ARL4D: variants seen among roughly 807,000 people sequenced by gnomAD.
ARL4D encodes the protein ADP-ribosylation factor-like protein 4D.
A neutral mutation model predicts 0.6 loss-of-function variants in ARL4D; 1 was observed. The observed-to-expected ratio is 1.64, with a 90% CI of 0.58 to 7.76. ARL4D has a LOEUF of 7.76. Ranked by LOEUF, ARL4D falls within the 30% of genes most tolerant of loss-of-function variation. The pLI, the probability that ARL4D is intolerant of heterozygous loss-of-function variation, is 0.14. For synonymous variants in ARL4D, 102 were observed against 115.2 expected (o/e 0.89, Z 0.73); for missense variants, 230 against 264.5 (o/e 0.87, Z 0.90).
chr17:43,399,613 GTAT>G (rs2058079200), intron 1 of ARL4D, 45 bp from the exon 2 acceptor site: 1 of 1,271,824 alleles, frequency 7.9e-7, no homozygotes, highest in Admixed American at 2.3e-5. Context: ...AATCTTGTGT[GTAT>G]TATTAAACGT....
chr17:43,400,572 T>C lies in ARL4D; in HGVS notation c.*234T>C. The C allele has an allele frequency of 8.0e-6, 4 of 497,912 alleles. No homozygotes were observed. Among genetic ancestry groups the C allele is most frequent in the Non-Finnish European group, 1.4e-5 (4 of 277,634 alleles). 30.8% of individuals were successfully genotyped at this position (497,912 alleles called of 1,614,324 possible). ...TCTGGAGAAGTGGGCGCTGCAGGAC[T>C]GTGGAGACGTAAATGTAAACTGTGA... is the stretch of plus-strand genomic sequence containing the variant. On this transcript the variant is annotated 3_prime_UTR_variant, in exon 2 of 2. Coordinates refer to ENST00000320033, the MANE Select transcript of ARL4D (RefSeq NM_001661.4).
Position 43,400,456 on chromosome 17 carries a change from G to T in ARL4D, c.*118G>T, listed in dbSNP as rs2058083811. ...GGGTGCAGGACCTGTCCACCTCAAT[G>T]AAGGAGAGAGGAGCATGGGGTGTCC... On this transcript the variant is annotated 3_prime_UTR_variant, in exon 2 of 2. Coordinates refer to ENST00000320033, the MANE Select transcript of ARL4D (RefSeq NM_001661.4). 1.5e-6 allele frequency: 2 copies of T among 1,350,072 alleles called. No individual in the cohort carries two copies. Among genetic ancestry groups the T allele is most frequent in the East Asian group, 4.8e-5 (2 of 42,076 alleles). The allele number at this position is 1,350,072 out of a possible 1,614,324, so 83.6% of individuals were successfully genotyped here. A position where few individuals can be genotyped will look rare whatever the true frequency, so the allele number is the denominator to read the frequency against.
In ARL4D at chr17:43,400,431, G is replaced by C. The variant is rs955338315; in HGVS notation, c.*93G>C. On this transcript the variant is annotated 3_prime_UTR_variant, in exon 2 of 2. Coordinates refer to ENST00000320033, the MANE Select transcript of ARL4D (RefSeq NM_001661.4). Reference sequence around the variant, plus strand: ...AGCCTGTGACCTCTCAGTCAGACTGGGGTGCAGGACCTGTCCACCTCAATG... The same window carrying C: ...AGCCTGTGACCTCTCAGTCAGACTGCGGTGCAGGACCTGTCCACCTCAATG... 29 of 1,471,380 alleles carry C rather than the reference G, an allele frequency of 2.0e-5. No homozygotes were observed. The highest frequency in any genetic ancestry group is 2.5e-5 in the Non-Finnish European group (28 of 1,100,244). The allele number at this position is 1,471,380 out of a possible 1,614,324, so 91.1% of individuals were successfully genotyped here.
At position 43,399,708 on chromosome 17, in the gene ARL4D, C is replaced by T. The variant is rs1567909538; in HGVS notation, c.-25C>T. The T allele has an allele frequency of 1.3e-6, 2 of 1,591,530 alleles. No individual in the cohort carries two copies. The highest frequency in any genetic ancestry group is 1.3e-5 in the African/African-American group (1 of 74,268). On this transcript the variant is annotated 5_prime_UTR_variant, in exon 2 of 2. Coordinates refer to ENST00000320033, the MANE Select transcript of ARL4D (RefSeq NM_001661.4). ...AACCTTCAATTTCAAGGCCTCCCTG[C>T]CTCTACTAGGCGCCTTAGCTCACTA...
chr17:43,400,381 C>T lies in ARL4D; in HGVS notation c.*43C>T. 2 of 1,530,704 alleles carry T rather than the reference C, an allele frequency of 1.3e-6. No homozygotes were observed. The highest frequency in any genetic ancestry group is 1.8e-6 in the Non-Finnish European group (2 of 1,140,596). The allele number at this position is 1,530,704 out of a possible 1,614,324, so 94.8% of individuals were successfully genotyped here. ...TTTCCTCCCACCTAGTAGGGGTCTGCACACTTGGACAGCAGGGTGGGACCA... is the reference window on the plus strand; with the variant it reads ...TTTCCTCCCACCTAGTAGGGGTCTGTACACTTGGACAGCAGGGTGGGACCA... On this transcript the variant is annotated 3_prime_UTR_variant, in exon 2 of 2. Transcript: ENST00000320033.
rs1259055509 is a variant in ARL4D, at chr17:43,400,622, T to G, written c.*284T>G. 2 of 318,114 alleles carry G rather than the reference T, an allele frequency of 6.3e-6. No individual in the cohort carries two copies. The highest frequency in any genetic ancestry group is 4.3e-5 in the African/African-American group (2 of 46,566). 19.7% of individuals were successfully genotyped at this position (318,114 alleles called of 1,614,324 possible). A position where few individuals can be genotyped will look rare whatever the true frequency, so the allele number is the denominator to read the frequency against. On this transcript the variant is annotated 3_prime_UTR_variant, in exon 2 of 2. Transcript: ENST00000320033. Reference sequence around the variant, plus strand: ...ACTCTACCTCGACCCTGTTTCTTATTTTTCTTCTCTGGCTAAAAATTTTTA... The same window carrying G: ...ACTCTACCTCGACCCTGTTTCTTATGTTTCTTCTCTGGCTAAAAATTTTTA...
chr17:43,399,240 A>G (rs545997561), intron 1 of ARL4D, 147 bp downstream of exon 1: 14 of 152,626 alleles, frequency 9.2e-5, no homozygotes, highest in African/African-American at 3.5e-4. Context: ...CACCGTGTCA[A>G]CGGCTTGGGG....
In ARL4D at chr17:43,400,538, CTCA is replaced by C. The variant is rs1281461412; in HGVS notation, c.*203_*205del. 1.1e-5 allele frequency: 7 copies of C among 648,910 alleles called. No homozygotes were observed. Among genetic ancestry groups the C allele is most frequent in the Non-Finnish European group, 1.8e-5 (7 of 379,132 alleles). 40.2% of individuals were successfully genotyped at this position (648,910 alleles called of 1,614,324 possible). A position where few individuals can be genotyped will look rare whatever the true frequency, so the allele number is the denominator to read the frequency against. ...AGATGGGATGTCTTTGCATATCTCT[CTCA>C]TCCTCTCTGGAGAAGTGGGCGCTGC... On this transcript the variant is annotated 3_prime_UTR_variant, in exon 2 of 2. Transcript: ENST00000320033.
In ARL4D at chr17:43,400,010, G is replaced by A. The variant is rs935334904; in HGVS notation, c.278G>A (p.Arg93Gln). 5.0e-6 allele frequency: 8 copies of A among 1,613,906 alleles called. No homozygotes were observed. The African/African-American group carries it at 8.0e-5, about 16-fold the overall frequency. Residue 93 changes from arginine to glutamine, a missense_variant, in exon 2 of 2, where the codon CGG (arginine) becomes CAG (glutamine). Around this residue, in one of 3 missense-constraint regions of ARL4D, gnomAD observed 8 missense variants for 29.7 expected, o/e 0.27. Transcript: ENST00000320033. ...LRPLWRSYTR[R>Q]TDGLVFVVDA... ...CCACTGTGGCGCTCTTATACCCGCC[G>A]GACAGACGGTCTAGTGTTTGTGGTG...
intron 1 of ARL4D, among the ~76,000 whole-genome samples, 182 bp downstream of exon 1, chr17:43,399,275 A>C (rs1265760815): frequency 6.6e-6 from 1 of 151,738 alleles, no homozygotes; most frequent in Non-Finnish European, 1.5e-5. Context: ...TGGGAGCCGG[A>C]CTCAATCTCC....
In ARL4D at chr17:43,400,355, C is replaced by T; in HGVS notation, c.*17C>T. ...AGACGGTGACCCAAGCCCCCCCTCC[C>T]TTTCCTCCCACCTAGTAGGGGTCTG... is the stretch of plus-strand genomic sequence containing the variant. On this transcript the variant is annotated 3_prime_UTR_variant, in exon 2 of 2. Transcript: ENST00000320033. 1 of 1,558,412 alleles carries T rather than the reference C, an allele frequency of 6.4e-7. No individual in the cohort carries two copies. The highest frequency in any genetic ancestry group is 8.7e-7 in the Non-Finnish European group (1 of 1,152,448).
At position 43,400,555 on chromosome 17, in the gene ARL4D, A is replaced by C. The variant is rs1281682414; in HGVS notation, c.*217A>C. On this transcript the variant is annotated 3_prime_UTR_variant, in exon 2 of 2. Coordinates refer to ENST00000320033, the MANE Select transcript of ARL4D (RefSeq NM_001661.4). ...ATATCTCTCTCATCCTCTCTGGAGA[A>C]GTGGGCGCTGCAGGACTGTGGAGAC... 5.0e-6 allele frequency: 3 copies of C among 597,100 alleles called. No individual in the cohort carries two copies. Among genetic ancestry groups the C allele is most frequent in the African/African-American group, 3.7e-5 (2 of 53,802 alleles). The allele number at this position is 597,100 out of a possible 1,614,324, so 37.0% of individuals were successfully genotyped here.
rs764306538 is a variant in ARL4D, at chr17:43,400,347, C to A, written c.*9C>A. ...GCAAGAAGAGACGGTGACCCAAGCC[C>A]CCCCTCCCTTTCCTCCCACCTAGTA... On this transcript the variant is annotated 3_prime_UTR_variant, in exon 2 of 2. Transcript: ENST00000320033. 6.4e-7 allele frequency: 1 copy of A among 1,562,188 alleles called. No individual in the cohort carries two copies. The highest frequency in any genetic ancestry group is 1.8e-5 in the Admixed American group (1 of 55,112).
At chr17:43,399,408 C>G (rs533045917) in intron 1 of ARL4D, among the ~76,000 whole-genome samples, 232 of 151,930 alleles carry the variant, frequency 1.5e-3, no homozygotes, top group Admixed American at 2.9e-3. Flanking sequence ...AGCCCACTGT[C>G]CATGGATCGA....
rs138281221 is a variant in ARL4D, at chr17:43,399,768, C to T, written c.36C>T (p.Ala12=). 6.2e-7 allele frequency: 1 copy of T among 1,613,756 alleles called. No individual in the cohort carries two copies. The highest frequency in any genetic ancestry group is 1.3e-5 in the African/African-American group (1 of 74,894). ...GNHLTEMAPT[A]SSFLPHFQAL... ...ACTTGACTGAGATGGCGCCCACTGC[C>T]TCCTCCTTCTTGCCCCACTTCCAAG... Residue 12 remains alanine (A), a synonymous_variant, in exon 2 of 2, where the codon GCC becomes GCT. Transcript: ENST00000320033.
In ARL4D at chr17:43,400,123, C is replaced by T; in HGVS notation, c.391C>T (p.Leu131=). The stretch of plus-strand genomic sequence containing the variant: ...CTCGGACAACCAGGGCGTGCCAGTG[C>T]TGGTGCTGGCCAACAAGCAGGACCA... ...RASDNQGVPV[L]VLANKQDQPG... The change falls in exon 2 of 2, where the codon CTG becomes TTG. Residue 131 remains leucine (L), a synonymous_variant. Coordinates refer to ENST00000320033, the MANE Select transcript of ARL4D (RefSeq NM_001661.4). 6.2e-7 allele frequency: 1 copy of T among 1,610,288 alleles called. No homozygotes were observed. The highest frequency in any genetic ancestry group is 8.5e-7 in the Non-Finnish European group (1 of 1,179,802).
Position 43,399,811 on chromosome 17 carries a change from A to G in ARL4D, c.79A>G (p.Ile27Val). 1 of 1,613,912 alleles carries G rather than the reference A, an allele frequency of 6.2e-7. No individual in the cohort carries two copies. The highest frequency in any genetic ancestry group is 8.5e-7 in the Non-Finnish European group (1 of 1,179,982). ...CTTCCAAGCCCTGCATGTCGTGGTC[A>G]TTGGGCTGGACTCTGCTGGAAAGAC... Reference protein sequence around the residue: ...PHFQALHVVVIGLDSAGKTSL... With the variant: ...PHFQALHVVVVGLDSAGKTSL... The change falls in exon 2 of 2, where the codon ATT becomes GTT. Residue 27 changes from isoleucine (I) to valine (V), a missense_variant. Transcript: ENST00000320033.
Position 43,400,298 on chromosome 17 carries a change from A to G in ARL4D, c.566A>G (p.Lys189Arg). 6.2e-7 allele frequency: 1 copy of G among 1,602,892 alleles called. No homozygotes were observed. The highest frequency in any genetic ancestry group is 8.5e-7 in the Non-Finnish European group (1 of 1,174,462). The change falls in exon 2 of 2, where the codon AAG becomes AGG. Residue 189 changes from lysine to arginine, a missense_variant. By Grantham distance (26) the Lys-to-Arg change is conservative. Transcript: ENST00000320033. ...GAGCGCCTCTATGAGATGATCCTCAAGAGGAAGAAGGCAGCTCGGGGTGGC... is the reference window on the plus strand; with the variant it reads ...GAGCGCCTCTATGAGATGATCCTCAGGAGGAAGAAGGCAGCTCGGGGTGGC... ...GLERLYEMILKRKKAARGGKK... is the reference protein window; with the variant it reads ...GLERLYEMILRRKKAARGGKK...
At chr17:43,399,291 CAGCGTCTGCACCCT>C (rs1332132124) in intron 1 of ARL4D, among the ~76,000 whole-genome samples, 198 bp downstream of exon 1, 1 of 152,148 alleles carries the variant, frequency 6.6e-6, no homozygotes, top group Non-Finnish European at 1.5e-5. Flanking sequence ...TCTCCGGTCT[CAGCGTCTGCACCCT>C]AGCTCTTAGT....
Sources: allele counts gnomAD v4.1 joint callset (sites outside exome capture counted in the v4.1 genomes callset), GRCh38; gene constraint gnomAD v4.1.1; regional missense constraint gnomAD v4.1.1; transcripts MANE v1.5; gene names NCBI Gene and HGNC (gene_info 2026-07-23, HGNC 2026-07-21).